Variants in SSBP3 observed in about 807,000 individuals in gnomAD.
The protein encoded by SSBP3 is single stranded DNA binding protein 3, also known as single-stranded DNA-binding protein 3.
In SSBP3, 5 loss-of-function variants were observed where a neutral mutation model predicts 69.6. That is an observed-to-expected ratio of 0.07 (90% confidence interval 0.04 to 0.15). SSBP3 has a LOEUF of 0.15. Ranked by LOEUF, SSBP3 falls within the 10% of genes least tolerant of loss-of-function variation. SSBP3 has a pLI of 1.00. For synonymous variants in SSBP3, 196 were observed against 193.4 expected (o/e 1.01, Z -0.11); for missense variants, 312 against 534.0 (o/e 0.58, Z 4.10).
At chr1:54,292,944 T>C (rs11206319) in intron 4 of SSBP3, among the ~76,000 whole-genome samples, 27,395 of 151,794 alleles carry the variant, frequency 0.18, 2,694 homozygotes, top group Admixed American at 0.32. Context: ...GAGCCTGGCA[T>C]GCTTTCAGAG....
intron 4 of SSBP3, among the ~76,000 whole-genome samples, chr1:54,393,943 A>T (rs780005786): frequency 6.6e-6 from 1 of 152,110 alleles, no homozygotes; most frequent in Non-Finnish European, 1.5e-5. Context: ...TATTCTTAGT[A>T]AAGACAGAGT....
exon 8 of SSBP3, chr1:54,251,797 G>C: frequency 6.2e-7 from 1 of 1,611,642 alleles, no homozygotes; most frequent in South Asian, 1.1e-5. Context: ...TCTCTACCTT[G>C]TTGTCGTGTG....
intron 4 of SSBP3, among the ~76,000 whole-genome samples, chr1:54,303,647 T>C (rs999509780): frequency 6.6e-6 from 1 of 152,122 alleles, no homozygotes; most frequent in Non-Finnish European, 1.5e-5. Context: ...TGCTCTTAAA[T>C]CTTTACACTC....
rs771756898 is a variant in SSBP3 at position 54,380,694 on chromosome 1, C to T, written c.276+21167G>A. Among the ~76,000 whole-genome samples, 66 of 152,266 alleles carry T rather than the reference C, an allele frequency of 4.3e-4. 2 individuals carry two copies. The highest frequency in any genetic ancestry group is 8.4e-4 in the Non-Finnish European group (57 of 68,022). On this transcript the variant is annotated intron_variant, in intron 4 of 17. Coordinates refer to ENST00000610401, the Ensembl canonical transcript of SSBP3. ...CCGGAAAAGGTGGCATTGTGGCTGA[C>T]ACCTGTGCCTCAGAGGTGACCACAG...
chr1:54,245,351 A>G lies in SSBP3; in HGVS notation c.652-2052T>C, dbSNP rs1644715213. Among the ~76,000 whole-genome samples, 3 of 152,256 alleles carry G rather than the reference A, an allele frequency of 2.0e-5. No individual in the cohort carries two copies. In the South Asian group the frequency reaches 6.2e-4, roughly 31 times the overall value. ...AGTTGCAGTGAGCAAATGGACAGCT[A>G]GGATTTAAGCCTGGATCTGCCGGCC... On this transcript the variant is annotated intron_variant, in intron 9 of 17. Coordinates refer to ENST00000610401, the Ensembl canonical transcript of SSBP3.
intron 4 of SSBP3, among the ~76,000 whole-genome samples, chr1:54,398,818 C>T (rs1163868245): frequency 6.6e-6 from 1 of 152,160 alleles, no homozygotes; most frequent in Non-Finnish European, 1.5e-5. Context: ...TCCCCCAATG[C>T]TCCCGTTGCC....
Position 54,404,445 on chromosome 1 carries a change from A to AGGTGCCCCT in SSBP3, c.191+130_191+131insAGGGGCACC. The AGGTGCCCCT allele has an allele frequency of 2.8e-6, 3 of 1,069,298 alleles. 1 individual carries two copies. Among genetic ancestry groups the AGGTGCCCCT allele is most frequent in the Non-Finnish European group, 4.2e-6 (3 of 714,300 alleles). The allele number at this position is 1,069,298 out of a possible 1,614,324, so 66.2% of individuals were successfully genotyped here. On this transcript the variant is annotated intron_variant, in intron 3 of 17. Coordinates refer to ENST00000610401, the Ensembl canonical transcript of SSBP3. ...TGGCCAGCTGGGCCGGAGTGCCTCG[A>AGGTGCCCCT]GGTGCCCCGCTCTGTGCAACGCAGA...
chr1:54,394,373 C>T (rs947676535), intron 4 of SSBP3, among the ~76,000 whole-genome samples: 2 of 151,838 alleles, frequency 1.3e-5, no homozygotes, highest in Admixed American at 6.6e-5. Flanking sequence ...CTGTTTACCT[C>T]CCCCCACTGC....
At chr1:54,310,883 G>A (rs951906192) in intron 4 of SSBP3, among the ~76,000 whole-genome samples, 2 of 152,222 alleles carry the variant, frequency 1.3e-5, no homozygotes, top group Non-Finnish European at 2.9e-5. Context: ...GACTCACTGG[G>A]AGCATGCAGA....
intron 4 of SSBP3, among the ~76,000 whole-genome samples, chr1:54,345,989 A>AC (rs1416232831): frequency 1.3e-5 from 2 of 151,508 alleles, no homozygotes; most frequent in East Asian, 1.9e-4. Flanking sequence ...AAAAATACAA[A>AC]AAAAAAAAAA....
At chr1:54,232,724 CTGCGATTGCA>C (rs1282379177) in intron 14 of SSBP3, among the ~76,000 whole-genome samples, 1 of 150,872 alleles carries the variant, frequency 6.6e-6, no homozygotes, top group Non-Finnish European at 1.5e-5. Flanking sequence ...TGCCGAGTGC[CTGCGATTGCA>C]GGCACGCGCC....
At chr1:54,366,057 A>G (rs1255401141) in intron 4 of SSBP3, among the ~76,000 whole-genome samples, 2 of 152,144 alleles carry the variant, frequency 1.3e-5, no homozygotes, top group East Asian at 3.9e-4. Context: ...GGGCTGAATT[A>G]GTATCATTAA....
chr1:54,355,304 A>T (rs969378364), intron 4 of SSBP3, among the ~76,000 whole-genome samples: 1 of 152,214 alleles, frequency 6.6e-6, no homozygotes, highest in African/African-American at 2.4e-5. Context: ...ATACAAGAGG[A>T]GGGCACCAAC....
intron 1 of SSBP3, 29 bp from the exon 2 acceptor site, chr1:54,404,959 A>G (rs1156776443): frequency 1.7e-5 from 27 of 1,599,324 alleles, no homozygotes; most frequent in Non-Finnish European, 2.1e-5. Flanking sequence ...GCAAAGAGAG[A>G]GAGGGAAAGG....
At chr1:54,298,276 C>G (rs1374313100) in intron 4 of SSBP3, among the ~76,000 whole-genome samples, 1 of 152,148 alleles carries the variant, frequency 6.6e-6, no homozygotes, top group South Asian at 2.1e-4. Flanking sequence ...GCTCGGACCC[C>G]TCTCTGCACT....
chr1:54,304,475 G>A (rs1368148189), intron 4 of SSBP3, among the ~76,000 whole-genome samples: 1 of 152,228 alleles, frequency 6.6e-6, no homozygotes, highest in African/African-American at 2.4e-5. Flanking sequence ...CGCAGCAGGA[G>A]TGAAGGGGCT....
At chr1:54,397,060 GGA>G (rs1648940135) in intron 4 of SSBP3, among the ~76,000 whole-genome samples, 1 of 152,206 alleles carries the variant, frequency 6.6e-6, no homozygotes, top group Non-Finnish European at 1.5e-5. Flanking sequence ...GGGGAATGGG[GGA>G]GAGGGGAAAA....
Position 54,246,947 on chromosome 1 carries a change from C to A in SSBP3, c.652-3648G>T, listed in dbSNP as rs79838259. ...AGCACCACGTGGCTGGAGGTGATGA[C>A]GGTGAAGCTGTACAAGGGTCGGTTA... On this transcript the variant is annotated intron_variant, in intron 9 of 17. Transcript: ENST00000610401. Among the ~76,000 whole-genome samples the A allele has an allele frequency of 1.7e-3, 266 of 152,354 alleles. 7 individuals carry two copies. The East Asian group carries it at 0.028, about 16-fold the overall frequency.
chr1:54,288,034 A>G (rs186569831), intron 4 of SSBP3, among the ~76,000 whole-genome samples: 1 of 152,312 alleles, frequency 6.6e-6, no homozygotes, highest in East Asian at 1.9e-4. Flanking sequence ...CCCGGCACCA[A>G]TGGACGGCCC....
Sources: gnomAD v4.1 joint callset for allele counts (sites outside exome capture counted in the v4.1 genomes callset) on GRCh38, gnomAD v4.1.1 for gene constraint, MANE v1.5 for transcripts, NCBI Gene and HGNC (gene_info 2026-07-23, HGNC 2026-07-21) for gene names.